The following LCOR variants were observed in gnomAD, a reference collection of about 807,000 sequenced individuals.
LCOR encodes the protein ligand dependent nuclear receptor corepressor.
LCOR carries 14 observed loss-of-function variants against 64.4 expected under a neutral mutation model. The ratio of observed to expected loss-of-function variants is 0.22; its 90% CI spans 0.14 to 0.34. LCOR has a LOEUF of 0.34. Among genes scored for constraint, LCOR ranks in the 10% least tolerant of loss-of-function variants. The pLI is 1.00. For synonymous variants in LCOR, 643 were observed against 642.5 expected, an observed-to-expected ratio of 1.00 and a Z score of -0.01; for missense variants, 1,686 against 1,765.3, an observed-to-expected ratio of 0.96 and a Z score of 0.80.
intron 2 of LCOR, among the ~76,000 whole-genome samples, chr10:96,834,781 T>C (rs949953169): frequency 6.6e-6 from 1 of 152,240 alleles, no homozygotes; most frequent in Non-Finnish European, 1.5e-5. Flanking sequence ...GTGTATCTTA[T>C]TCTAATTCTC....
At chr10:96,887,674 C>G (rs918468684) in intron 2 of LCOR, among the ~76,000 whole-genome samples, 2 of 149,718 alleles carry the variant, frequency 1.3e-5, no homozygotes, top group Non-Finnish European at 3.0e-5. Context: ...GCAAGCTAAA[C>G]TAGCTACTTT....
In LCOR at chr10:96,879,287, A is replaced by T. The variant is rs529829966; in HGVS notation, c.-329-27978A>T. The stretch of plus-strand genomic sequence containing the variant: ...CCACACAGCTAGAAAAGGTAGAACT[A>T]GGACTTGAACCCACCCCTTGAACCT... On this transcript the variant is annotated intron_variant, in intron 2 of 7. Coordinates refer to ENST00000421806, the MANE Select transcript of LCOR (RefSeq NM_001346516.2). Among the ~76,000 whole-genome samples the T allele has an allele frequency of 6.6e-5, 10 of 152,346 alleles. No individual in the cohort carries two copies. The East Asian group carries it at 1.9e-3, about 29-fold the overall frequency.
At chr10:96,966,710 T>C (rs1847954634) in intron 7 of LCOR, among the ~76,000 whole-genome samples, 1 of 152,196 alleles carries the variant, frequency 6.6e-6, no homozygotes, top group Admixed American at 6.5e-5. Flanking sequence ...TAACACAGAA[T>C]TTTATTTATC....
chr10:96,950,755 A>G (rs1847664151), intron 6 of LCOR, among the ~76,000 whole-genome samples: 2 of 152,240 alleles, frequency 1.3e-5, no homozygotes, highest in Admixed American at 6.5e-5. Context: ...AAAAACCACA[A>G]TATTTTTAGT....
chr10:96,970,363 C>T (rs1177793735), intron 7 of LCOR, among the ~76,000 whole-genome samples: 2 of 152,050 alleles, frequency 1.3e-5, no homozygotes, highest in South Asian at 2.1e-4. Flanking sequence ...CACCACTTCA[C>T]TTCAGCTTGG....
At chr10:96,839,617 T>G (rs533999089) in intron 2 of LCOR, among the ~76,000 whole-genome samples, 2 of 152,328 alleles carry the variant, frequency 1.3e-5, no homozygotes, top group African/African-American at 4.8e-5. Flanking sequence ...TTTTGAAATT[T>G]AAGATTACAT....
chr10:96,916,947 A>C (rs1035773695), intron 4 of LCOR, among the ~76,000 whole-genome samples: 1 of 152,208 alleles, frequency 6.6e-6, no homozygotes, highest in Non-Finnish European at 1.5e-5. Flanking sequence ...GCAGAGTGAA[A>C]TAGATATCAC....
At chr10:96,916,192 C>T (rs1413089238) in intron 4 of LCOR, among the ~76,000 whole-genome samples, 1 of 151,988 alleles carries the variant, frequency 6.6e-6, no homozygotes, top group East Asian at 1.9e-4. Flanking sequence ...CCACCACTCC[C>T]GTCTAACTTT....
intron 2 of LCOR, among the ~76,000 whole-genome samples, chr10:96,866,866 G>T (rs186065591): frequency 9.9e-5 from 15 of 152,172 alleles, no homozygotes; most frequent in African/African-American, 2.6e-4. Context: ...TTCAGCCACC[G>T]TGCCCAGCCC....
intron 4 of LCOR, among the ~76,000 whole-genome samples, chr10:96,943,680 C>T (rs1847537582): frequency 6.6e-6 from 1 of 151,250 alleles, no homozygotes; most frequent in African/African-American, 2.4e-5. Context: ...AAAAACAGAT[C>T]TCATACTTGG....
intron 5 of LCOR, among the ~76,000 whole-genome samples, chr10:96,948,542 A>G (rs1847624647): frequency 6.6e-6 from 1 of 152,208 alleles, no homozygotes; most frequent in Non-Finnish European, 1.5e-5. Flanking sequence ...CTCCTTTTAT[A>G]ATCTTGGTAT....
intron 2 of LCOR, among the ~76,000 whole-genome samples, chr10:96,857,145 T>TA (rs1217217299): frequency 2.6e-5 from 4 of 152,138 alleles, no homozygotes; most frequent in African/African-American, 9.7e-5. Context: ...ATTTTAATTG[T>TA]AGTTATTTCT....
At position 96,920,890 on chromosome 10, in the gene LCOR, C is replaced by T. The variant is rs554223124; in HGVS notation, c.-184+13143C>T. Among the ~76,000 whole-genome samples, 17 of 151,908 alleles carry T rather than the reference C, an allele frequency of 1.1e-4. No individual in the cohort carries two copies. The East Asian group carries it at 1.9e-3, about 17-fold the overall frequency. ...ACTGCTTGCTGCAGCCGTGACCTCCCGGGCACATGTAATCCTCCTGCCTCA... is the reference window on the plus strand; with the variant it reads ...ACTGCTTGCTGCAGCCGTGACCTCCTGGGCACATGTAATCCTCCTGCCTCA... On this transcript the variant is annotated intron_variant, in intron 4 of 7. Coordinates refer to ENST00000421806, the MANE Select transcript of LCOR (RefSeq NM_001346516.2).
chr10:96,890,007 C>T (rs545281776), intron 2 of LCOR, among the ~76,000 whole-genome samples: 5 of 152,254 alleles, frequency 3.3e-5, no homozygotes, highest in African/African-American at 7.2e-5. Context: ...GCATCTGCGC[C>T]GTTTTGCATT....
In LCOR at chr10:96,832,411, C is replaced by T. The variant is rs1219924630; in HGVS notation, c.-404+12C>T. The T allele has an allele frequency of 5.2e-6, 5 of 957,732 alleles. No individual in the cohort carries two copies. In the East Asian group the frequency reaches 4.6e-4, roughly 89 times the overall value. 59.3% of individuals were successfully genotyped at this position (957,732 alleles called of 1,614,324 possible). ...CATTCACTGTGTAGGTGAGACCCTC[C>T]GCCGACCGCCGCCGCCCCTCCGGCC... On this transcript the variant is annotated intron_variant, in intron 1 of 7. Coordinates refer to ENST00000421806, the MANE Select transcript of LCOR (RefSeq NM_001346516.2).
intron 7 of LCOR, chr10:96,956,108 G>A (rs1847768687): frequency 1.4e-6 from 2 of 1,417,796 alleles, no homozygotes; most frequent in Non-Finnish European, 1.8e-6. Context: ...TTTTTCATGT[G>A]CAGTATGGCT....
Position 96,884,602 on chromosome 10 carries a change from C to G in LCOR, c.-329-22663C>G, listed in dbSNP as rs181340993. On this transcript the variant is annotated intron_variant, in intron 2 of 7. Coordinates refer to ENST00000421806, the MANE Select transcript of LCOR (RefSeq NM_001346516.2). ...GAATCACCTGGAAAGCTTGTTAAAA[C>G]TAAGATTCTTGAATACCATTTCCAG... 1.2e-3 allele frequency among the ~76,000 whole-genome samples: 181 copies of G among 152,272 alleles called. 1 individual carries two copies. The highest frequency in any genetic ancestry group is 6.3e-4 in the Non-Finnish European group (43 of 68,026).
At chr10:96,837,925 G>T (rs1845474987) in intron 2 of LCOR, among the ~76,000 whole-genome samples, 1 of 152,184 alleles carries the variant, frequency 6.6e-6, no homozygotes, top group African/African-American at 2.4e-5. Context: ...TGGAATCTCA[G>T]TTTGTGATAT....
intron 2 of LCOR, among the ~76,000 whole-genome samples, chr10:96,843,285 T>A (rs1845572547): frequency 6.6e-6 from 1 of 152,024 alleles, no homozygotes; most frequent in Non-Finnish European, 1.5e-5. Flanking sequence ...TCATCATGCC[T>A]GGCTAGTTTT....
Sources: gnomAD v4.1 joint callset for allele counts (sites outside exome capture counted in the v4.1 genomes callset) on GRCh38, gnomAD v4.1.1 for gene constraint, MANE v1.5 for transcripts, NCBI Gene and HGNC (gene_info 2026-07-23, HGNC 2026-07-21) for gene names.